The following FANCB variants were observed in gnomAD, a reference collection of about 807,000 sequenced individuals.
FANCB encodes FA complementation group B, also known as Fanconi anemia group B protein.
A neutral mutation model predicts 38.9 loss-of-function variants in FANCB; 5 were observed. The ratio of observed to expected loss-of-function variants is 0.13; its 90% CI spans 0.07 to 0.27. FANCB has a LOEUF of 0.27. FANCB is among the 10% of genes least tolerant of loss of function. FANCB has a pLI of 1.00. For synonymous variants in FANCB, 236 were observed against 215.4 expected (o/e 1.10, Z -0.84); for missense variants, 573 against 602.7 (o/e 0.95, Z 0.52).
the FANCB span, among the ~76,000 whole-genome samples, chrX:14,829,731 TAG>T: frequency 8.9e-6 from 1 of 112,177 alleles, no homozygotes; most frequent in Admixed American, 9.5e-5. Context: ...TGAAGAGAGT[TAG>T]AGAGTGCTCT....
the FANCB span, among the ~76,000 whole-genome samples, chrX:14,798,963 T>C: frequency 3.0e-4 from 33 of 111,798 alleles, no homozygotes; most frequent in African/African-American, 9.4e-4. Context: ...CTGGACTGAC[T>C]GGACCGAATA....
the FANCB span, among the ~76,000 whole-genome samples, chrX:14,764,484 A>G: frequency 8.9e-6 from 1 of 111,855 alleles, no homozygotes; most frequent in South Asian, 3.7e-4. Context: ...TCTCTGCCCT[A>G]TAAGTTAACC....
the FANCB span, among the ~76,000 whole-genome samples, chrX:14,711,833 A>G: frequency 2.2e-4 from 25 of 112,430 alleles, no homozygotes; most frequent in Non-Finnish European, 3.9e-4. Context: ...TCACCTTTAC[A>G]GGGCATTGCT....
chrX:14,814,561 C>G, the FANCB span, among the ~76,000 whole-genome samples: 1 of 112,348 alleles, frequency 8.9e-6, no homozygotes, highest in African/African-American at 3.2e-5. Flanking sequence ...CCAACAGACA[C>G]ATGAAAAAAT....
chrX:14,839,100 C>A (rs768953917), downstream of FANCB, among the ~76,000 whole-genome samples: 36 of 110,889 alleles, frequency 3.2e-4, no homozygotes, highest in Non-Finnish European at 5.5e-4. Flanking sequence ...TCAAGATGAG[C>A]CTGGCCAACA....
downstream of FANCB, chrX:14,843,349 C>A (rs754706060): frequency 1.0e-4 from 37 of 365,778 alleles, no homozygotes; most frequent in Non-Finnish European, 1.6e-4. Flanking sequence ...AAAAATATCT[C>A]CAGACATAGC....
At chrX:14,839,804 G>C (rs1224185333), downstream of FANCB, among the ~76,000 whole-genome samples, 3 of 110,524 alleles carry the variant, frequency 2.7e-5, no homozygotes, top group Admixed American at 1.9e-4. Flanking sequence ...TTAACAGTTA[G>C]AAACAATTTT....
the FANCB span, among the ~76,000 whole-genome samples, chrX:14,691,497 C>T: frequency 9.0e-6 from 1 of 111,613 alleles, no homozygotes; most frequent in African/African-American, 3.3e-5. Context: ...TTACACTGTC[C>T]AGAGACTTCA....
the FANCB span, among the ~76,000 whole-genome samples, chrX:14,706,679 T>A: frequency 9.0e-6 from 1 of 111,636 alleles, no homozygotes; most frequent in Non-Finnish European, 1.9e-5. Context: ...CTGAGAAGGT[T>A]CCTTCTCAGC....
At chrX:14,718,528 A>G in the FANCB span, among the ~76,000 whole-genome samples, 2 of 112,247 alleles carry the variant, frequency 1.8e-5, no homozygotes, top group African/African-American at 6.5e-5. Flanking sequence ...TGTAAAAGGC[A>G]GAGTAGGAAT....
chrX:14,855,031 C>T (rs761664151), intron 5 of FANCB, among the ~76,000 whole-genome samples: 3 of 111,854 alleles, frequency 2.7e-5, no homozygotes, highest in South Asian at 3.7e-4. Context: ...TCATTCCTTC[C>T]GTTGCTTTAC....
At chrX:14,737,290 A>G in the FANCB span, among the ~76,000 whole-genome samples, 1 of 112,027 alleles carries the variant, frequency 8.9e-6, no homozygotes, top group Admixed American at 9.5e-5. Flanking sequence ...AAATTATGAG[A>G]GCCCCTGTGA....
the FANCB span, among the ~76,000 whole-genome samples, chrX:14,740,279 A>T: frequency 1.8e-5 from 2 of 111,595 alleles, no homozygotes; most frequent in African/African-American, 6.5e-5. Flanking sequence ...TTAGACACAA[A>T]CCAGATAATG....
chrX:14,863,133 G>A (rs1385091476), intron 3 of FANCB, among the ~76,000 whole-genome samples: 1 of 111,968 alleles, frequency 8.9e-6, no homozygotes, highest in Non-Finnish European at 1.9e-5. Context: ...TAATATAAAA[G>A]TACTTGGTAA....
At chrX:14,712,386 C>G in the FANCB span, among the ~76,000 whole-genome samples, 1 of 111,875 alleles carries the variant, frequency 8.9e-6, no homozygotes, top group African/African-American at 3.3e-5. Flanking sequence ...TTGAGAATCA[C>G]TCGTCTACAT....
chrX:14,785,996 A>G, the FANCB span, among the ~76,000 whole-genome samples: 1 of 111,837 alleles, frequency 8.9e-6, no homozygotes, highest in Non-Finnish European at 1.9e-5. Flanking sequence ...CAGAGAGAGA[A>G]GTTAACTGCA....
At chrX:14,707,496 T>A in the FANCB span, among the ~76,000 whole-genome samples, 5 of 110,459 alleles carry the variant, frequency 4.5e-5, no homozygotes, top group South Asian at 1.6e-3. Flanking sequence ...TGATACAGAG[T>A]TTGGAGCATG....
the FANCB span, among the ~76,000 whole-genome samples, chrX:14,776,089 T>C: frequency 0.068 from 5,621 of 83,138 alleles, 255 homozygotes; most frequent in Admixed American, 0.15. Flanking sequence ...ACGTCTGATA[T>C]GCCCTGATAG....
At chrX:14,786,315 G>A in the FANCB span, among the ~76,000 whole-genome samples, 2,999 of 110,716 alleles carry the variant, frequency 0.027, 88 homozygotes, top group East Asian at 0.12. Flanking sequence ...ATGAAAACCC[G>A]GATTATTCAC....
Sources: allele counts gnomAD v4.1 joint callset (sites outside exome capture counted in the v4.1 genomes callset), GRCh38; gene constraint gnomAD v4.1.1; transcripts MANE v1.5; gene names NCBI Gene and HGNC (gene_info 2026-07-23, HGNC 2026-07-21).